NR1I2: variants seen among roughly 807,000 people sequenced by gnomAD.
The protein encoded by NR1I2 is nuclear receptor subfamily 1 group I member 2, also known as orphan nuclear receptor PAR1.
In NR1I2, 42 loss-of-function variants were observed where a neutral mutation model predicts 43.3. The observed-to-expected ratio is 0.97, with a 90% CI of 0.76 to 1.26. The LOEUF (loss-of-function observed/expected upper bound fraction) is 1.26, where lower values mean the gene tolerates loss of function less well. Ranked by LOEUF, NR1I2 falls within the 50% of genes most tolerant of loss-of-function variation. The pLI is 0.00. For missense variants in NR1I2, 559 were observed against 566.7 expected (o/e 0.99, Z 0.14); for synonymous variants, 229 against 215.0 (o/e 1.06, Z -0.57).
At position 119,793,437 on chromosome 3, in the gene NR1I2, G is replaced by GCGATCCCAACTCTGCCCAAT. The variant is rs1272092159; in HGVS notation, c.-23+11139_-23+11158dup. On this transcript the variant is annotated intron_variant, in intron 1 of 8. Coordinates refer to ENST00000393716, the MANE Select transcript of NR1I2 (RefSeq NM_003889.4). ...GCAGGACAGGACCACCGTGGGCCAA[G>GCGATCCCAACTCTGCCCAAT]CGATCCCAACTCTGCCCAATCAGTG... Among the ~76,000 whole-genome samples the GCGATCCCAACTCTGCCCAAT allele has an allele frequency of 5.3e-5, 8 of 152,186 alleles. 1 individual carries two copies.
intron 5 of NR1I2, 92 bp from the exon 6 acceptor site, chr3:119,814,886 GC>G: frequency 6.6e-7 from 1 of 1,524,778 alleles, no homozygotes; most frequent in Non-Finnish European, 9.0e-7. Flanking sequence ...TCTTCCTCTC[GC>G]CCCCAACTTC....
At chr3:119,815,978 C>T in intron 8 of NR1I2, 147 bp downstream of exon 8, 3 of 708,448 alleles carry the variant, frequency 4.2e-6, no homozygotes, top group Non-Finnish European at 7.6e-6. Context: ...TTGAGCACTA[C>T]CTAACCACTT....
intron 1 of NR1I2, 130 bp downstream of exon 1, chr3:119,782,430 C>A: frequency 3.2e-6 from 1 of 310,618 alleles, no homozygotes; most frequent in Non-Finnish European, 6.3e-6. Flanking sequence ...ATCATGTTGG[C>A]CTTGCTGCTG....
chr3:119,807,334 T>C lies in NR1I2; in HGVS notation c.84T>C (p.Ser28=). 1 of 1,614,236 alleles carries C rather than the reference T, an allele frequency of 6.2e-7. No individual in the cohort carries two copies. Among genetic ancestry groups the C allele is most frequent in the Non-Finnish European group, 8.5e-7 (1 of 1,180,030 alleles). ...CAGAGTCTGTTCCTGGAAAGCCCAG[T>C]GTCAACGCAGATGAGGAAGTCGGAG... The change falls in exon 2 of 9, where the codon AGT becomes AGC. Residue 28 remains serine (S), a synonymous_variant. Transcript: ENST00000393716.
At chr3:119,792,827 A>G (rs1261309158) in intron 1 of NR1I2, among the ~76,000 whole-genome samples, 1 of 152,098 alleles carries the variant, frequency 6.6e-6, no homozygotes, top group East Asian at 1.9e-4. Context: ...GTGAGCTGAG[A>G]TCGCGCCACT....
intron 1 of NR1I2, chr3:119,803,046 C>T: frequency 2.3e-6 from 1 of 440,002 alleles, no homozygotes; most frequent in Non-Finnish European, 4.6e-6. Flanking sequence ...GAATGAGACC[C>T]CAGAGGCCGG....
Position 119,817,947 on chromosome 3 carries a change from A to G in NR1I2, c.*735A>G. ...CCTGAGCTCACAGAGTTTATAGTTA[A>G]AAAAACAAACAGAAACACAAACGAT... On this transcript the variant is annotated 3_prime_UTR_variant, in exon 9 of 9. Transcript: ENST00000393716. 1 of 985,028 alleles carries G rather than the reference A, an allele frequency of 1.0e-6. No individual in the cohort carries two copies. The highest frequency in any genetic ancestry group is 1.2e-6 in the Non-Finnish European group (1 of 829,576). The allele number at this position is 985,028 out of a possible 1,614,324, so 61.0% of individuals were successfully genotyped here.
chr3:119,783,613 G>T (rs1442880025), intron 1 of NR1I2, among the ~76,000 whole-genome samples: 2 of 152,130 alleles, frequency 1.3e-5, no homozygotes, highest in Admixed American at 1.3e-4. Context: ...GACTAGACTA[G>T]GTTTTTTAGG....
intron 4 of NR1I2, 34 bp from the exon 5 acceptor site, chr3:119,812,652 C>G (rs762580160): frequency 1.9e-6 from 3 of 1,612,300 alleles, no homozygotes; most frequent in African/African-American, 2.7e-5. Context: ...CACATGCTGT[C>G]TCTCCTCTGT....
chr3:119,803,593 A>C (rs2055110575), intron 1 of NR1I2, among the ~76,000 whole-genome samples: 1 of 152,202 alleles, frequency 6.6e-6, no homozygotes, highest in Non-Finnish European at 1.5e-5. Context: ...TGGCAACCTG[A>C]ATGCACTAAG....
intron 5 of NR1I2, among the ~76,000 whole-genome samples, chr3:119,813,356 A>C (rs1335499976): frequency 6.6e-6 from 1 of 152,144 alleles, no homozygotes; most frequent in African/African-American, 2.4e-5. Flanking sequence ...AGAGGAATAG[A>C]AAAGATAAGG....
intron 2 of NR1I2, among the ~76,000 whole-genome samples, chr3:119,808,197 G>A (rs935312517): frequency 1.3e-5 from 2 of 152,206 alleles, no homozygotes; most frequent in African/African-American, 2.4e-5. Flanking sequence ...AAGTCTGAAG[G>A]CCTCCAGGTT....
chr3:119,789,066 T>C (rs2054883134), intron 1 of NR1I2, among the ~76,000 whole-genome samples: 2 of 152,132 alleles, frequency 1.3e-5, no homozygotes, highest in Non-Finnish European at 2.9e-5. Flanking sequence ...GGAGCATCAC[T>C]CTCTTAGATT....
intron 1 of NR1I2, among the ~76,000 whole-genome samples, chr3:119,793,293 C>T (rs1190153535): frequency 1.3e-5 from 2 of 152,094 alleles, no homozygotes; most frequent in African/African-American, 2.4e-5. Flanking sequence ...AACTTGCTGC[C>T]CACCCATTCT....
rs759718252 is a variant in NR1I2, at chr3:119,810,175, G to A, written c.312G>A (p.Glu104=). ...CCTGCCGCCTGCGCAAGTGCCTGGAGAGCGGCATGAAGAAGGAGAGTGAGC... is the reference window on the plus strand; with the variant it reads ...CCTGCCGCCTGCGCAAGTGCCTGGAAAGCGGCATGAAGAAGGAGAGTGAGC... The change falls in exon 3 of 9, where the codon GAG becomes GAA. Residue 104 remains glutamate, a synonymous_variant. Transcript: ENST00000393716. 321 of 1,610,246 alleles carry A rather than the reference G, an allele frequency of 2.0e-4. No homozygotes were observed. The highest frequency in any genetic ancestry group is 2.6e-4 in the Non-Finnish European group (304 of 1,178,544).
intron 1 of NR1I2, among the ~76,000 whole-genome samples, chr3:119,802,358 T>C (rs2055093479): frequency 1.3e-5 from 2 of 152,264 alleles, no homozygotes; most frequent in Admixed American, 6.5e-5. Flanking sequence ...TAAGTAAATG[T>C]CTTTTTTCTG....
chr3:119,799,908 A>G (rs2055053579), intron 1 of NR1I2, among the ~76,000 whole-genome samples: 2 of 152,102 alleles, frequency 1.3e-5, no homozygotes, highest in African/African-American at 4.8e-5. Flanking sequence ...TGAACCTGGG[A>G]GGCAGAGGTT....
intron 1 of NR1I2, among the ~76,000 whole-genome samples, chr3:119,803,366 A>C (rs2461820): frequency 0.55 from 83,000 of 150,182 alleles, 23,145 homozygotes; most frequent in Middle Eastern, 0.65. Flanking sequence ...AGAGAGAGAG[A>C]GAGAGAGATA....
At chr3:119,808,440 C>G (rs1408746503) in intron 2 of NR1I2, among the ~76,000 whole-genome samples, 1 of 152,230 alleles carries the variant, frequency 6.6e-6, no homozygotes, top group Non-Finnish European at 1.5e-5. Context: ...TAGTCACTAG[C>G]AAAGAGCAGC....
Sources: allele counts gnomAD v4.1 joint callset (sites outside exome capture counted in the v4.1 genomes callset), GRCh38; gene constraint gnomAD v4.1.1; transcripts MANE v1.5; gene names NCBI Gene and HGNC (gene_info 2026-07-23, HGNC 2026-07-21).